GNG12: variants seen among roughly 807,000 people sequenced by gnomAD.
The protein encoded by GNG12 is G protein subunit gamma 12.
For synonymous variants in GNG12, 28 were observed against 29.7 expected (o/e 0.94, Z 0.19); for missense variants, 69 against 83.8 (o/e 0.82, Z 0.69).
rs1337317152 is a variant in GNG12 at position 67,704,108 on chromosome 1, G to T, written c.*1343C>A. The T allele has an allele frequency of 6.6e-6, 1 of 152,204 alleles. No homozygotes were observed. Among genetic ancestry groups the T allele is most frequent in the South Asian group, 2.1e-4 (1 of 4,836 alleles). 9.4% of individuals were successfully genotyped at this position (152,204 alleles called of 1,614,324 possible). ...TCCTTTTGGGGCTACCCCCATACCT[G>T]GAAATTCCAAGAGTGTGAGGGCTAT... On this transcript the variant is annotated 3_prime_UTR_variant, in exon 4 of 4. Transcript: ENST00000370982.
chr1:67,705,639 G>T, intron 3 of GNG12, 63 bp from the exon 4 acceptor site: 1 of 1,544,268 alleles, frequency 6.5e-7, no homozygotes, highest in East Asian at 2.3e-5. Context: ...CTTTCAGAGC[G>T]TATTTGAATG....
chr1:67,731,984 G>C (rs1024415596), intron 2 of GNG12, among the ~76,000 whole-genome samples: 2 of 152,210 alleles, frequency 1.3e-5, no homozygotes, highest in African/African-American at 2.4e-5. Context: ...TTTACTTAAT[G>C]AATATGCAAT....
chr1:67,761,719 C>T (rs537065554), intron 2 of GNG12, among the ~76,000 whole-genome samples: 57 of 152,290 alleles, frequency 3.7e-4, no homozygotes, highest in African/African-American at 1.3e-3. Flanking sequence ...AACTCTCCAA[C>T]GAGGTATTCC....
intron 1 of GNG12, among the ~76,000 whole-genome samples, chr1:67,810,665 A>C (rs1371650959): frequency 6.6e-6 from 1 of 152,204 alleles, no homozygotes; most frequent in Non-Finnish European, 1.5e-5. Context: ...AAACCAATAC[A>C]ATAAATTCTC....
chr1:67,776,188 G>A (rs1223145758), intron 2 of GNG12, among the ~76,000 whole-genome samples: 1 of 152,156 alleles, frequency 6.6e-6, no homozygotes, highest in Non-Finnish European at 1.5e-5. Flanking sequence ...TGAGATGCCA[G>A]ACGGCTAGAA....
At chr1:67,725,344 C>T (rs1395048777) in intron 2 of GNG12, among the ~76,000 whole-genome samples, 1 of 152,196 alleles carries the variant, frequency 6.6e-6, no homozygotes, top group Non-Finnish European at 1.5e-5. Flanking sequence ...AACATGCCCT[C>T]ACCACCTTTT....
intron 1 of GNG12, among the ~76,000 whole-genome samples, chr1:67,777,850 G>A (rs926143742): frequency 3.3e-5 from 5 of 152,096 alleles, no homozygotes. Context: ...GCCCAGCCAT[G>A]GCCCTCTCTA....
At chr1:67,752,811 T>C (rs1264980356) in intron 2 of GNG12, among the ~76,000 whole-genome samples, 1 of 152,226 alleles carries the variant, frequency 6.6e-6, no homozygotes, top group Non-Finnish European at 1.5e-5. Flanking sequence ...CCTCCACTAA[T>C]CTGAGCTACA....
chr1:67,804,908 A>G (rs1451025235), intron 1 of GNG12, among the ~76,000 whole-genome samples: 1 of 152,096 alleles, frequency 6.6e-6, no homozygotes, highest in Non-Finnish European at 1.5e-5. Context: ...GGGAAGAAAA[A>G]TCCCCTCATG....
At chr1:67,824,845 T>G (rs971442078) in intron 1 of GNG12, among the ~76,000 whole-genome samples, 3 of 152,164 alleles carry the variant, frequency 2.0e-5, no homozygotes, top group African/African-American at 7.2e-5. Flanking sequence ...ACAGTGAGTG[T>G]GGAGAGGGTA....
At chr1:67,800,601 T>A (rs1248129302) in intron 1 of GNG12, among the ~76,000 whole-genome samples, 1 of 152,210 alleles carries the variant, frequency 6.6e-6, no homozygotes, top group Non-Finnish European at 1.5e-5. Flanking sequence ...CCTTATTATG[T>A]CACAGAGAAT....
chr1:67,813,833 T>G (rs1279973253), intron 1 of GNG12, among the ~76,000 whole-genome samples: 1 of 152,078 alleles, frequency 6.6e-6, no homozygotes, highest in Non-Finnish European at 1.5e-5. Context: ...TAAGTTCCAA[T>G]TAATTAAAAT....
intron 2 of GNG12, among the ~76,000 whole-genome samples, chr1:67,724,298 A>G (rs1187220984): frequency 2.2e-4 from 34 of 152,216 alleles, no homozygotes; most frequent in Non-Finnish European, 1.5e-5. Flanking sequence ...GTGGTGGAAA[A>G]GCAGGAAGGA....
chr1:67,831,660 A>T (rs2100835611), intron 1 of GNG12, among the ~76,000 whole-genome samples: 1 of 152,352 alleles, frequency 6.6e-6, no homozygotes, highest in South Asian at 2.1e-4. Context: ...AAGGGACTGA[A>T]CATTTTATCT....
At chr1:67,828,695 G>A (rs1438357708) in intron 1 of GNG12, among the ~76,000 whole-genome samples, 1 of 152,196 alleles carries the variant, frequency 6.6e-6, no homozygotes, top group African/African-American at 2.4e-5. Context: ...TAAAAACGCA[G>A]CTCATCAAGG....
intron 2 of GNG12, among the ~76,000 whole-genome samples, chr1:67,719,390 T>G (rs141816052): frequency 2.0e-5 from 3 of 152,330 alleles, no homozygotes; most frequent in Admixed American, 6.5e-5. Flanking sequence ...GGGTCATGAA[T>G]GCAAAAGGTG....
At chr1:67,765,498 AT>A (rs796682359) in intron 2 of GNG12, among the ~76,000 whole-genome samples, 4 of 152,332 alleles carry the variant, frequency 2.6e-5, no homozygotes, top group African/African-American at 9.6e-5. Context: ...ATTGGGTCAG[AT>A]TTGGTAATTA....
At chr1:67,746,858 T>C (rs1176348725) in intron 2 of GNG12, among the ~76,000 whole-genome samples, 1 of 152,114 alleles carries the variant, frequency 6.6e-6, no homozygotes, top group East Asian at 1.9e-4. Context: ...TAAAATGATG[T>C]AGAAGGCTTA....
intron 2 of GNG12, among the ~76,000 whole-genome samples, chr1:67,750,205 C>A (rs1019474987): frequency 1.3e-5 from 2 of 152,296 alleles, no homozygotes; most frequent in South Asian, 4.1e-4. Flanking sequence ...TGACATTCAC[C>A]GCAGCTACTG....
Sources: gnomAD v4.1 joint callset for allele counts (sites outside exome capture counted in the v4.1 genomes callset) on GRCh38, gnomAD v4.1.1 for gene constraint, MANE v1.5 for transcripts, NCBI Gene and HGNC (gene_info 2026-07-23, HGNC 2026-07-21) for gene names.